The following PTPRJ variants were observed in gnomAD, a reference collection of about 807,000 sequenced individuals.
PTPRJ encodes protein tyrosine phosphatase receptor type J.
Under a neutral mutation model 141.3 loss-of-function variants are expected in PTPRJ, and 129 were observed. The ratio of observed to expected loss-of-function variants is 0.91; its 90% CI spans 0.79 to 1.06. The LOEUF (loss-of-function observed/expected upper bound fraction) is 1.06, where lower values mean the gene tolerates loss of function less well. Ranked by LOEUF, PTPRJ falls within the 50% of genes least tolerant of loss-of-function variation. The pLI is 0.00. For missense variants in PTPRJ, 1,601 were observed against 1,679.7 expected (o/e 0.95, Z 0.82); for synonymous variants, 610 against 640.5 (o/e 0.95, Z 0.72).
chr11:48,071,361 G>C (rs1855244601), intron 1 of PTPRJ, among the ~76,000 whole-genome samples: 1 of 151,946 alleles, frequency 6.6e-6, no homozygotes, highest in African/African-American at 2.4e-5. Context: ...CTTCTGCCCA[G>C]GCTGGAGTGC....
chr11:48,079,182 CAA>C (rs1855495166), intron 1 of PTPRJ, among the ~76,000 whole-genome samples: 1 of 151,908 alleles, frequency 6.6e-6, no homozygotes, highest in Admixed American at 6.6e-5. Context: ...CAAAAAATCT[CAA>C]AATGTTTTAA....
chr11:47,986,763 G>A (rs1330290781), intron 1 of PTPRJ, among the ~76,000 whole-genome samples: 2 of 152,156 alleles, frequency 1.3e-5, no homozygotes, highest in Non-Finnish European at 2.9e-5. Flanking sequence ...TGATCCACCT[G>A]CCTTGGCCTC....
At chr11:48,017,582 C>T (rs1383044132) in intron 1 of PTPRJ, among the ~76,000 whole-genome samples, 2 of 151,826 alleles carry the variant, frequency 1.3e-5, no homozygotes, top group East Asian at 3.8e-4. Flanking sequence ...TGGCTTATGT[C>T]CCACCTGAGA....
At chr11:48,029,320 T>G (rs138288771) in intron 1 of PTPRJ, among the ~76,000 whole-genome samples, 145 of 152,324 alleles carry the variant, frequency 9.5e-4, no homozygotes, top group African/African-American at 3.3e-3. Flanking sequence ...ATGATTTTGC[T>G]AGAGGGAAAA....
chr11:48,084,373 G>C (rs1390248539), intron 1 of PTPRJ, among the ~76,000 whole-genome samples: 1 of 152,084 alleles, frequency 6.6e-6, no homozygotes, highest in Non-Finnish European at 1.5e-5. Flanking sequence ...TAGCAGAGAC[G>C]GGGTTTTACC....
At chr11:48,134,576 A>G (rs1318986923) in intron 8 of PTPRJ, among the ~76,000 whole-genome samples, 1 of 152,190 alleles carries the variant, frequency 6.6e-6, no homozygotes, top group Non-Finnish European at 1.5e-5. Flanking sequence ...GTACGTAAAC[A>G]TGGCACAATT....
intron 1 of PTPRJ, among the ~76,000 whole-genome samples, chr11:48,082,800 G>A (rs561033125): frequency 1.3e-5 from 2 of 152,158 alleles, no homozygotes; most frequent in South Asian, 2.1e-4. Flanking sequence ...TACATAATAG[G>A]GGTGACACTT....
rs35920791 is a variant in PTPRJ, at chr11:48,167,356, C to A, written c.4008C>A (p.Ile1336=). The A allele has an allele frequency of 9.0e-3, 14,467 of 1,613,902 alleles. 125 individuals are homozygous for A. Among genetic ancestry groups the A allele is most frequent in the South Asian group, 0.029 (2,623 of 91,026 alleles). ...VTTFGKTNGY[I]A is the part of the protein sequence containing the mutation. ...CATTTGGAAAGACCAATGGTTACAT[C>A]GCCTAATTCCAAAGGAATAACCTTT... The change falls in exon 25 of 25, where the codon ATC becomes ATA. Residue 1336 remains isoleucine, a synonymous_variant. Coordinates refer to ENST00000418331, the MANE Select transcript of PTPRJ (RefSeq NM_002843.4).
In PTPRJ at chr11:47,980,731, C is replaced by T; in HGVS notation, c.-182C>T. On this transcript the variant is annotated 5_prime_UTR_variant, in exon 1 of 25. Coordinates refer to ENST00000418331, the MANE Select transcript of PTPRJ (RefSeq NM_002843.4). ...GCTAGGCTCCGGCGTGTGGCCGCGG[C>T]CGCCGCCGCCGCTGCCATGTCTCCG... The T allele has an allele frequency of 1.0e-6, 1 of 1,003,938 alleles. No homozygotes were observed. The highest frequency in any genetic ancestry group is 1.2e-6 in the Non-Finnish European group (1 of 843,952). 62.2% of individuals were successfully genotyped at this position (1,003,938 alleles called of 1,614,324 possible).
chr11:47,996,352 A>AAAAC (rs1854335873), intron 1 of PTPRJ, among the ~76,000 whole-genome samples: 1 of 151,668 alleles, frequency 6.6e-6, no homozygotes, highest in South Asian at 2.1e-4. Context: ...AAAAAAAAAA[A>AAAAC]AAAAGAGGAA....
chr11:48,042,584 A>G (rs1368256133), intron 1 of PTPRJ, among the ~76,000 whole-genome samples: 3 of 152,150 alleles, frequency 2.0e-5, no homozygotes, highest in Non-Finnish European at 4.4e-5. Flanking sequence ...TCTGCCAATG[A>G]TTGGAAATCC....
At chr11:48,062,288 C>T (rs61914727) in intron 1 of PTPRJ, among the ~76,000 whole-genome samples, 4,581 of 151,796 alleles carry the variant, frequency 0.03, 103 homozygotes, top group Non-Finnish European at 0.046. Context: ...CCGAGGCGGG[C>T]GGATCATGAG....
intron 1 of PTPRJ, among the ~76,000 whole-genome samples, chr11:48,082,478 T>TA (rs1364046529): frequency 6.7e-6 from 1 of 150,198 alleles, no homozygotes; most frequent in Non-Finnish European, 1.5e-5. Flanking sequence ...TGCAGTGGTG[T>TA]AGTCATGGCT....
chr11:48,133,916 C>T (rs964289635), intron 8 of PTPRJ, among the ~76,000 whole-genome samples: 1 of 152,164 alleles, frequency 6.6e-6, no homozygotes, highest in Non-Finnish European at 1.5e-5. Flanking sequence ...TAATATTCTA[C>T]AGAAATTAGA....
chr11:48,128,394 G>A (rs772144512), intron 7 of PTPRJ, among the ~76,000 whole-genome samples: 4 of 152,274 alleles, frequency 2.6e-5, no homozygotes, highest in Non-Finnish European at 5.9e-5. Flanking sequence ...GATACAGGGA[G>A]ACAAAAATGA....
chr11:48,151,778 C>T (rs991488016), intron 18 of PTPRJ, among the ~76,000 whole-genome samples: 3 of 152,144 alleles, frequency 2.0e-5, no homozygotes, highest in African/African-American at 7.2e-5. Flanking sequence ...GACCTGAACT[C>T]ATCCTTTTAT....
intron 1 of PTPRJ, among the ~76,000 whole-genome samples, chr11:48,007,596 T>A (rs1854658362): frequency 6.6e-6 from 1 of 152,080 alleles, no homozygotes; most frequent in East Asian, 1.9e-4. Context: ...AGAGATGGGG[T>A]TTTGCCATGC....
intron 21 of PTPRJ, among the ~76,000 whole-genome samples, chr11:48,157,029 C>T (rs1041185778): frequency 3.3e-5 from 5 of 151,340 alleles, no homozygotes; most frequent in Admixed American, 2.6e-4. Context: ...CTCACTCTGT[C>T]GCCAGGCTGG....
At chr11:48,079,962 C>G (rs915049031) in intron 1 of PTPRJ, among the ~76,000 whole-genome samples, 5 of 152,144 alleles carry the variant, frequency 3.3e-5, no homozygotes. Flanking sequence ...AAGCATATCC[C>G]CCATCAGAGA....
Sources: gnomAD v4.1 joint callset for allele counts (sites outside exome capture counted in the v4.1 genomes callset) on GRCh38, gnomAD v4.1.1 for gene constraint, MANE v1.5 for transcripts, NCBI Gene and HGNC (gene_info 2026-07-23, HGNC 2026-07-21) for gene names.